The following CTDSPL variants were observed in gnomAD, a reference collection of about 807,000 sequenced individuals.
The protein encoded by CTDSPL is CTD small phosphatase like.
CTDSPL carries 8 observed loss-of-function variants against 30.5 expected under a neutral mutation model. The observed-to-expected ratio is 0.26, with a 90% confidence interval of 0.15 to 0.47. The LOEUF is 0.47. Among genes scored for constraint, CTDSPL ranks in the 20% least tolerant of loss-of-function variants. The pLI is 0.99. For synonymous variants in CTDSPL, 110 were observed against 137.9 expected (o/e 0.80, Z 1.42); for missense variants, 248 against 366.1 (o/e 0.68, Z 2.63).
At chr3:37,923,125 C>G (rs1698737150) in intron 1 of CTDSPL, among the ~76,000 whole-genome samples, 2 of 152,178 alleles carry the variant, frequency 1.3e-5, no homozygotes, top group Non-Finnish European at 2.9e-5. Context: ...AACCTGTAAT[C>G]AGACTGTTGC....
At chr3:37,892,311 G>C (rs932019566) in intron 1 of CTDSPL, among the ~76,000 whole-genome samples, 2 of 152,018 alleles carry the variant, frequency 1.3e-5, no homozygotes, top group Non-Finnish European at 2.9e-5. Flanking sequence ...TATTAAAAAA[G>C]GCTAAATGAA....
At chr3:37,936,007 A>G (rs1698911308) in intron 1 of CTDSPL, among the ~76,000 whole-genome samples, 1 of 152,212 alleles carries the variant, frequency 6.6e-6, no homozygotes, top group South Asian at 2.1e-4. Flanking sequence ...GAAACGATTT[A>G]TGTCAGGGGC....
intron 3 of CTDSPL, among the ~76,000 whole-genome samples, chr3:37,962,376 A>C (rs1699253686): frequency 1.3e-5 from 2 of 152,160 alleles, no homozygotes; most frequent in South Asian, 4.1e-4. Context: ...TTGCCTCCCA[A>C]CTTGGCCTTG....
intron 5 of CTDSPL, among the ~76,000 whole-genome samples, chr3:37,970,837 G>A (rs910050179): frequency 1.3e-5 from 2 of 152,196 alleles, no homozygotes; most frequent in Non-Finnish European, 2.9e-5. Context: ...ACCCTTTATG[G>A]TGTCATAGAC....
intron 6 of CTDSPL, among the ~76,000 whole-genome samples, chr3:37,974,504 G>A (rs1559649326): frequency 6.6e-6 from 1 of 152,192 alleles, no homozygotes; most frequent in Non-Finnish European, 1.5e-5. Flanking sequence ...TTGGTGCAGG[G>A]GCCTGGCCTC....
intron 5 of CTDSPL, among the ~76,000 whole-genome samples, chr3:37,969,178 C>G (rs1357227032): frequency 6.6e-6 from 1 of 152,214 alleles, no homozygotes; most frequent in Non-Finnish European, 1.5e-5. Context: ...GAGAGGCTGC[C>G]CAATGGCATA....
chr3:37,876,442 A>T (rs538553987), intron 1 of CTDSPL, among the ~76,000 whole-genome samples: 43 of 152,268 alleles, frequency 2.8e-4, no homozygotes, highest in African/African-American at 9.9e-4. Flanking sequence ...GCAATGTATG[A>T]TACTTCTAGT....
chr3:37,936,940 A>AGC, intron 1 of CTDSPL, among the ~76,000 whole-genome samples: 1 of 133,486 alleles, frequency 7.5e-6, no homozygotes, highest in Non-Finnish European at 1.8e-5. Flanking sequence ...TGTGATGAGA[A>AGC]AGAAGCTAGT....
At chr3:37,926,333 G>A (rs186534513) in intron 1 of CTDSPL, among the ~76,000 whole-genome samples, 1 of 152,328 alleles carries the variant, frequency 6.6e-6, no homozygotes, top group East Asian at 1.9e-4. Flanking sequence ...TAAGATCGTA[G>A]GTTTCCAGCC....
At chr3:37,927,114 T>A (rs1198503367) in intron 1 of CTDSPL, among the ~76,000 whole-genome samples, 1 of 152,014 alleles carries the variant, frequency 6.6e-6, no homozygotes, top group Admixed American at 6.6e-5. Context: ...AAGCCACAAG[T>A]GGAAAATTCC....
chr3:37,921,537 A>G (rs1325528153), intron 1 of CTDSPL, among the ~76,000 whole-genome samples: 1 of 151,698 alleles, frequency 6.6e-6, no homozygotes, highest in African/African-American at 2.4e-5. Context: ...TTCCTTATGT[A>G]ACTGTTTTTT....
chr3:37,908,480 G>T (rs989301432), intron 1 of CTDSPL, among the ~76,000 whole-genome samples: 13 of 151,758 alleles, frequency 8.6e-5, no homozygotes, highest in Non-Finnish European at 1.9e-4. Context: ...ATTTTTAATG[G>T]CTGGGTAATA....
chr3:37,942,260 G>A lies in CTDSPL; in HGVS notation c.80-4797G>A, dbSNP rs146227409. ...ATAGCAGAGAAAAAAATGTACGCCC[G>A]CAGAATCCAGCCTTTGATCCAGCGT... On this transcript the variant is annotated intron_variant, in intron 1 of 7. Coordinates refer to ENST00000273179, the MANE Select transcript of CTDSPL (RefSeq NM_001008392.2). 1.6e-3 allele frequency among the ~76,000 whole-genome samples: 238 copies of A among 150,582 alleles called. 7 individuals carry two copies. Among genetic ancestry groups the A allele is most frequent in the African/African-American group, 3.8e-3 (157 of 41,450 alleles).
chr3:37,966,320 G>T (rs796434660), intron 4 of CTDSPL, among the ~76,000 whole-genome samples: 1 of 152,334 alleles, frequency 6.6e-6, no homozygotes, highest in South Asian at 2.1e-4. Flanking sequence ...AGTCCTTTGA[G>T]AATCTGAAAG....
chr3:37,969,322 A>G, intron 5 of CTDSPL: 2 of 474,648 alleles, frequency 4.2e-6, no homozygotes, highest in South Asian at 3.1e-5. Flanking sequence ...ACAAGGTCCC[A>G]GGGCTGGGGT....
chr3:37,961,960 T>C (rs1416001052), intron 3 of CTDSPL, among the ~76,000 whole-genome samples: 1 of 152,224 alleles, frequency 6.6e-6, no homozygotes, highest in Non-Finnish European at 1.5e-5. Context: ...GGAACAGGAA[T>C]GAATACCATT....
chr3:37,929,542 C>G (rs1047719280), intron 1 of CTDSPL, among the ~76,000 whole-genome samples: 1 of 152,134 alleles, frequency 6.6e-6, no homozygotes, highest in African/African-American at 2.4e-5. Context: ...CTTTTTAATG[C>G]TATTGTAAAT....
At chr3:37,894,610 T>C (rs910849645) in intron 1 of CTDSPL, among the ~76,000 whole-genome samples, 1 of 152,214 alleles carries the variant, frequency 6.6e-6, no homozygotes, top group East Asian at 1.9e-4. Context: ...ATCTGTAAAT[T>C]TAAAGACTTT....
Position 37,931,568 on chromosome 3 carries a change from C to T in CTDSPL, c.80-15489C>T, listed in dbSNP as rs1386380747. Among the ~76,000 whole-genome samples the T allele has an allele frequency of 2.0e-5, 3 of 152,240 alleles. No individual in the cohort carries two copies. The East Asian group carries it at 5.8e-4, about 29-fold the overall frequency. On this transcript the variant is annotated intron_variant, in intron 1 of 7. Transcript: ENST00000273179. The stretch of plus-strand genomic sequence containing the variant: ...TGTTAACTGTTTTCTATTTATCTTA[C>T]AGTTCTTTTGTTCTTCTTTCCTCTC...
Sources: gnomAD v4.1 joint callset for allele counts (sites outside exome capture counted in the v4.1 genomes callset) on GRCh38, gnomAD v4.1.1 for gene constraint, MANE v1.5 for transcripts, NCBI Gene and HGNC (gene_info 2026-07-23, HGNC 2026-07-21) for gene names.